Variants in MED27 observed in about 807,000 individuals in gnomAD.
MED27 encodes the protein mediator complex subunit 27, also known as mediator of RNA polymerase II transcription subunit 27.
MED27 carries 30 observed loss-of-function variants against 38.2 expected under a neutral mutation model. The ratio of observed to expected loss-of-function variants is 0.79; its 90% CI spans 0.59 to 1.07. The LOEUF (loss-of-function observed/expected upper bound fraction) is 1.07, where lower values mean the gene tolerates loss of function less well. Ranked by LOEUF, MED27 falls within the 50% of genes least tolerant of loss-of-function variation. MED27 has a pLI of 0.00. For synonymous variants in MED27, 122 were observed against 153.5 expected (o/e 0.79, Z 1.52); for missense variants, 289 against 397.5 (o/e 0.73, Z 2.32).
intron 4 of MED27, among the ~76,000 whole-genome samples, chr9:131,935,264 G>C (rs553191849): frequency 6.6e-6 from 1 of 152,112 alleles, no homozygotes; most frequent in Non-Finnish European, 1.5e-5. Flanking sequence ...ATGCTTGAGA[G>C]GACAGATATC....
intron 5 of MED27, among the ~76,000 whole-genome samples, chr9:131,888,154 C>A (rs1188379073): frequency 6.6e-6 from 1 of 152,250 alleles, no homozygotes; most frequent in Non-Finnish European, 1.5e-5. Context: ...CCATCACAAC[C>A]AGCAAGGGCG....
At chr9:132,013,639 G>C (rs1832531290) in intron 3 of MED27, among the ~76,000 whole-genome samples, 1 of 152,248 alleles carries the variant, frequency 6.6e-6, no homozygotes, top group South Asian at 2.1e-4. Flanking sequence ...CTCAGCTCTA[G>C]CAGGTTCTCT....
chr9:131,879,032 G>T (rs1838989000), intron 6 of MED27, among the ~76,000 whole-genome samples: 3 of 152,206 alleles, frequency 2.0e-5, no homozygotes, highest in African/African-American at 7.2e-5. Flanking sequence ...GGGGTCTAAT[G>T]AGGAAGAGTG....
At chr9:131,966,216 C>CAA (rs946749791) in intron 3 of MED27, among the ~76,000 whole-genome samples, 2 of 115,390 alleles carry the variant, frequency 1.7e-5, no homozygotes, top group Middle Eastern at 4.0e-3. Context: ...AAAAAAAAAA[C>CAA]AAAACAAAAC....
At chr9:131,884,243 A>T in intron 5 of MED27, 144 bp from the exon 6 acceptor site, 1 of 553,788 alleles carries the variant, frequency 1.8e-6, no homozygotes, top group Non-Finnish European at 3.0e-6. Context: ...GTTGAAAAGG[A>T]TCTTAAATGT....
chr9:132,007,312 A>T (rs1207837238), intron 3 of MED27, among the ~76,000 whole-genome samples: 1 of 152,234 alleles, frequency 6.6e-6, no homozygotes, highest in East Asian at 1.9e-4. Context: ...ACAAATGCAA[A>T]CGCTGAGGAA....
chr9:131,867,843 G>C (rs1159653268), intron 6 of MED27, among the ~76,000 whole-genome samples: 1 of 152,246 alleles, frequency 6.6e-6, no homozygotes, highest in Non-Finnish European at 1.5e-5. Flanking sequence ...AGGAGCTCGG[G>C]GAGGGGTGGA....
At chr9:132,024,327 A>C (rs759288728) in intron 2 of MED27, among the ~76,000 whole-genome samples, 5 of 152,188 alleles carry the variant, frequency 3.3e-5, no homozygotes, top group African/African-American at 1.2e-4. Flanking sequence ...CCTTTTACAG[A>C]TGAAGAATGG....
At chr9:132,058,106 C>CT (rs1833619701) in intron 2 of MED27, among the ~76,000 whole-genome samples, 1 of 152,106 alleles carries the variant, frequency 6.6e-6, no homozygotes, top group South Asian at 2.1e-4. Context: ...AAAGTAAAAA[C>CT]TTTAAGCTGA....
At chr9:131,915,505 G>A (rs950441389) in intron 4 of MED27, among the ~76,000 whole-genome samples, 1 of 152,148 alleles carries the variant, frequency 6.6e-6, no homozygotes, top group African/African-American at 2.4e-5. Context: ...TTTCACTCTA[G>A]GTTTGATTAA....
chr9:132,071,184 C>T (rs984235818), intron 2 of MED27, among the ~76,000 whole-genome samples: 7 of 152,166 alleles, frequency 4.6e-5, no homozygotes, highest in African/African-American at 1.7e-4. Context: ...GAGAATACAG[C>T]ACTGAAGCAC....
At chr9:131,972,165 T>G (rs1831493763) in intron 3 of MED27, among the ~76,000 whole-genome samples, 1 of 152,250 alleles carries the variant, frequency 6.6e-6, no homozygotes, top group Non-Finnish European at 1.5e-5. Flanking sequence ...GAATATTTAT[T>G]TCAGATCTTT....
chr9:131,933,748 C>G (rs961348267), intron 4 of MED27, among the ~76,000 whole-genome samples: 1 of 151,934 alleles, frequency 6.6e-6, no homozygotes, highest in Admixed American at 6.5e-5. Context: ...TATCAAAATA[C>G]CAATGATATT....
chr9:131,950,712 T>C (rs1830979730), intron 3 of MED27, among the ~76,000 whole-genome samples: 1 of 152,186 alleles, frequency 6.6e-6, no homozygotes, highest in African/African-American at 2.4e-5. Flanking sequence ...AAACACGCTA[T>C]TTGTATGACA....
At chr9:131,893,721 T>A (rs1424237833) in intron 5 of MED27, among the ~76,000 whole-genome samples, 164 bp downstream of exon 5, 1 of 152,212 alleles carries the variant, frequency 6.6e-6, no homozygotes, top group African/African-American at 2.4e-5. Flanking sequence ...GCAGAGAGAA[T>A]GAAATGTTTT....
chr9:132,073,352 A>G lies in MED27; in HGVS notation c.348+4090T>C, dbSNP rs1833982341. On this transcript the variant is annotated intron_variant, in intron 2 of 7. Transcript: ENST00000292035. Reference sequence around the variant, plus strand: ...TTGTAAATTAAAAATTCAACAGAAAACGCTTCGATTCATTTATTCTTTCAT... The same window carrying G: ...TTGTAAATTAAAAATTCAACAGAAAGCGCTTCGATTCATTTATTCTTTCAT... 3.0e-6 allele frequency: 3 copies of G among 1,000,798 alleles called. No homozygotes were observed. In the African/African-American group the frequency reaches 5.2e-5, roughly 17 times the overall value. The allele number at this position is 1,000,798 out of a possible 1,614,324, so 62.0% of individuals were successfully genotyped here. A position where few individuals can be genotyped will look rare whatever the true frequency, so the allele number is the denominator to read the frequency against.
At chr9:131,929,191 C>T (rs1438549089) in intron 4 of MED27, among the ~76,000 whole-genome samples, 2 of 152,210 alleles carry the variant, frequency 1.3e-5, no homozygotes, top group African/African-American at 4.8e-5. Context: ...CCAAAGGGCC[C>T]TTGGGCCCGG....
chr9:131,924,665 C>T (rs896022978), intron 4 of MED27, among the ~76,000 whole-genome samples: 7 of 152,096 alleles, frequency 4.6e-5, no homozygotes, highest in African/African-American at 1.7e-4. Flanking sequence ...CTATTTTATT[C>T]TACTAGCCTG....
At chr9:131,949,967 A>G (rs1319881500) in intron 3 of MED27, among the ~76,000 whole-genome samples, 2 of 151,662 alleles carry the variant, frequency 1.3e-5, no homozygotes, top group Non-Finnish European at 2.9e-5. Flanking sequence ...TAATAACTAA[A>G]AATATTAATA....
Sources: allele counts gnomAD v4.1 joint callset (sites outside exome capture counted in the v4.1 genomes callset), GRCh38; gene constraint gnomAD v4.1.1; transcripts MANE v1.5; gene names NCBI Gene and HGNC (gene_info 2026-07-23, HGNC 2026-07-21).